CTNNA3: variants seen among roughly 807,000 people sequenced by gnomAD.
The protein encoded by CTNNA3 is catenin alpha 3, also known as catenin alpha-3.
CTNNA3 carries 76 observed loss-of-function variants against 95.7 expected under a neutral mutation model. The observed-to-expected ratio is 0.79, with a 90% CI of 0.66 to 0.96. The LOEUF (loss-of-function observed/expected upper bound fraction) is 0.96. Ranked by LOEUF, CTNNA3 falls within the 40% of genes least tolerant of loss-of-function variation. CTNNA3 has a pLI of 0.00. For synonymous variants in CTNNA3, 431 were observed against 374.4 expected, an observed-to-expected ratio of 1.15 and a Z score of -1.74; for missense variants, 1,191 against 1,089.8, an observed-to-expected ratio of 1.09 and a Z score of -1.31.
At chr10:67,727,241 C>T (rs1192804026) in intron 1 of CTNNA3, among the ~76,000 whole-genome samples, 1 of 120,902 alleles carries the variant, frequency 8.3e-6, no homozygotes, top group Non-Finnish European at 1.6e-5. Context: ...TTATATACTA[C>T]ATATAAATAT....
chr10:66,197,448 C>T (rs1463879884), intron 13 of CTNNA3, among the ~76,000 whole-genome samples: 3 of 152,104 alleles, frequency 2.0e-5, no homozygotes, highest in Non-Finnish European at 4.4e-5. Flanking sequence ...ACTTTGATCT[C>T]ATAAACCTAG....
chr10:66,750,782 G>C (rs1839100428), intron 9 of CTNNA3, among the ~76,000 whole-genome samples: 1 of 152,140 alleles, frequency 6.6e-6, no homozygotes, highest in South Asian at 2.1e-4. Flanking sequence ...AGATTGCATT[G>C]AATCTATAAA....
chr10:66,585,147 G>A (rs1048002859), intron 10 of CTNNA3, among the ~76,000 whole-genome samples: 1 of 152,010 alleles, frequency 6.6e-6, no homozygotes, highest in Non-Finnish European at 1.5e-5. Context: ...ATAGCCTGAT[G>A]AGTATATGCC....
Position 66,484,426 on chromosome 10 carries a change from C to T in CTNNA3, c.1531+36191G>A, listed in dbSNP as rs2441738. Among the ~76,000 whole-genome samples the T allele has an allele frequency of 7.6e-3, 1,151 of 151,704 alleles. 15 individuals carry two copies. The highest frequency in any genetic ancestry group is 0.026 in the African/African-American group (1,083 of 41,352). On this transcript the variant is annotated intron_variant, in intron 11 of 17. Coordinates refer to ENST00000433211, the MANE Select transcript of CTNNA3 (RefSeq NM_013266.4). ...CATTTTTTATTTTATATATTTGAAA[C>T]TTGTATATTTTAGGATATAAAAAAG...
chr10:66,261,870 T>C (rs1328495415), intron 13 of CTNNA3, among the ~76,000 whole-genome samples: 1 of 151,952 alleles, frequency 6.6e-6, no homozygotes, highest in Non-Finnish European at 1.5e-5. Flanking sequence ...CTTCCCCCTG[T>C]ACTCTTCCAC....
In CTNNA3 at chr10:67,079,756, G is replaced by A. The variant is rs528679992; in HGVS notation, c.1047+100561C>T. ...CCAGCTGCTCAGGAGGCTGAGGCAG[G>A]AGAATCTCTTGAACCCGGGAGGCGG... On this transcript the variant is annotated intron_variant, in intron 7 of 17. Transcript: ENST00000433211. 6.6e-5 allele frequency among the ~76,000 whole-genome samples: 10 copies of A among 152,102 alleles called. No homozygotes were observed. The South Asian group carries it at 1.9e-3, about 28-fold the overall frequency.
At chr10:67,595,670 G>C (rs1842914844) in intron 3 of CTNNA3, among the ~76,000 whole-genome samples, 2 of 152,120 alleles carry the variant, frequency 1.3e-5, no homozygotes, top group Admixed American at 6.5e-5. Context: ...TTGAGTTTAG[G>C]TTTTGAATAT....
chr10:66,591,689 A>C (rs1843556339), intron 10 of CTNNA3, among the ~76,000 whole-genome samples: 1 of 152,110 alleles, frequency 6.6e-6, no homozygotes, highest in Non-Finnish European at 1.5e-5. Context: ...ATTCCCACAT[A>C]GTATTCTCTC....
chr10:66,640,362 C>G (rs1291171265), intron 9 of CTNNA3, among the ~76,000 whole-genome samples: 2 of 152,244 alleles, frequency 1.3e-5, no homozygotes, highest in African/African-American at 4.8e-5. Context: ...GGGAAGCTCA[C>G]AATTAATGAT....
At chr10:65,997,947 A>C (rs2133355553) in intron 15 of CTNNA3, among the ~76,000 whole-genome samples, 1 of 152,310 alleles carries the variant, frequency 6.6e-6, no homozygotes, top group African/African-American at 2.4e-5. Context: ...CTCAGGAGGC[A>C]GAGGTTGCGG....
At chr10:67,104,545 C>T (rs1321083926) in intron 7 of CTNNA3, among the ~76,000 whole-genome samples, 1 of 151,850 alleles carries the variant, frequency 6.6e-6, no homozygotes, top group African/African-American at 2.4e-5. Context: ...AAACATCTTC[C>T]TCAGTCTCAG....
At chr10:67,159,760 G>A (rs1861456755) in intron 7 of CTNNA3, among the ~76,000 whole-genome samples, 2 of 152,026 alleles carry the variant, frequency 1.3e-5, no homozygotes, top group African/African-American at 2.4e-5. Flanking sequence ...ACCTGAAACT[G>A]TAAAATTCTT....
intron 3 of CTNNA3, among the ~76,000 whole-genome samples, chr10:67,595,876 G>C (rs1440691398): frequency 6.6e-6 from 1 of 152,172 alleles, no homozygotes; most frequent in African/African-American, 2.4e-5. Context: ...TTAACATTAT[G>C]AAATGCCCTT....
At chr10:67,176,752 AGGTGT>A (rs1482321056) in intron 7 of CTNNA3, 7 of 361,984 alleles carry the variant, frequency 1.9e-5, no homozygotes, top group Non-Finnish European at 3.8e-5. Flanking sequence ...AATCTTTCCA[AGGTGT>A]GGTCAGAGAA....
At chr10:67,726,363 A>T (rs866165157) in intron 1 of CTNNA3, among the ~76,000 whole-genome samples, 1 of 41,622 alleles carries the variant, frequency 2.4e-5, no homozygotes, top group Non-Finnish European at 3.6e-5. Flanking sequence ...TATATGATAT[A>T]ATATATGATA....
At chr10:67,008,933 A>G (rs1852167383) in intron 7 of CTNNA3, among the ~76,000 whole-genome samples, 1 of 152,014 alleles carries the variant, frequency 6.6e-6, no homozygotes, top group African/African-American at 2.4e-5. Context: ...TGTGCATTTG[A>G]ATTTATATTT....
At chr10:67,366,049 C>T (rs1470713633) in intron 5 of CTNNA3, among the ~76,000 whole-genome samples, 3 of 151,332 alleles carry the variant, frequency 2.0e-5, no homozygotes, top group Non-Finnish European at 3.0e-5. Context: ...AGTTCATGTC[C>T]TTTGCAGGGA....
At chr10:66,653,298 G>A (rs1357842893) in intron 9 of CTNNA3, among the ~76,000 whole-genome samples, 2 of 152,008 alleles carry the variant, frequency 1.3e-5, no homozygotes, top group Admixed American at 6.5e-5. Flanking sequence ...AAAATCAGTA[G>A]TATTTCTACA....
At chr10:66,271,832 ATCTTTC>A (rs1204536058) in intron 13 of CTNNA3, among the ~76,000 whole-genome samples, 1 of 152,198 alleles carries the variant, frequency 6.6e-6, no homozygotes, top group Non-Finnish European at 1.5e-5. Context: ...CAAGCTGAAC[ATCTTTC>A]TCTCAGAATG....
Sources: allele counts gnomAD v4.1 joint callset (sites outside exome capture counted in the v4.1 genomes callset), GRCh38; gene constraint gnomAD v4.1.1; transcripts MANE v1.5; gene names NCBI Gene and HGNC (gene_info 2026-07-23, HGNC 2026-07-21).